EMILIN3: variants seen among roughly 807,000 people sequenced by gnomAD.
EMILIN3 encodes the protein elastin microfibril interfacer 3.
EMILIN3 carries 38 observed loss-of-function variants against 42.8 expected under a neutral mutation model. That is an observed-to-expected ratio of 0.89 (90% CI 0.69 to 1.16). The LOEUF is 1.16. Among genes scored for constraint, EMILIN3 ranks in the 50% most tolerant of loss-of-function variants. EMILIN3 has a pLI of 0.00. For synonymous variants in EMILIN3, 430 were observed against 440.5 expected, an observed-to-expected ratio of 0.98 and a Z score of 0.30; for missense variants, 924 against 999.5, an observed-to-expected ratio of 0.92 and a Z score of 1.02.
chr20:41,360,899 G>A lies in EMILIN3; in HGVS notation c.*369C>T, dbSNP rs1600752841. 2 of 297,878 alleles carry A rather than the reference G, an allele frequency of 6.7e-6. No individual in the cohort carries two copies. The highest frequency in any genetic ancestry group is 1.3e-5 in the Non-Finnish European group (2 of 157,950). The allele number at this position is 297,878 out of a possible 1,614,324, so 18.5% of individuals were successfully genotyped here. ...TGACTGCCTGCAGGGTCCTCTCAAG[G>A]CCTTACATACGGACACTGATCAAGG... On this transcript the variant is annotated 3_prime_UTR_variant, in exon 4 of 4. Coordinates refer to ENST00000332312, the MANE Select transcript of EMILIN3 (RefSeq NM_052846.2).
chr20:41,361,071 G>A lies in EMILIN3; in HGVS notation c.*197C>T, dbSNP rs1026236128. On this transcript the variant is annotated 3_prime_UTR_variant, in exon 4 of 4. Coordinates refer to ENST00000332312, the MANE Select transcript of EMILIN3 (RefSeq NM_052846.2). ...GACATCCTTGCCTTGACCGCTGTCC[G>A]GAACTGTCCAGTTTCTGCAGCACTG... The A allele has an allele frequency of 1.3e-5, 7 of 537,722 alleles. No homozygotes were observed. The highest frequency in any genetic ancestry group is 9.4e-5 in the African/African-American group (5 of 53,046). The allele number at this position is 537,722 out of a possible 1,614,324, so 33.3% of individuals were successfully genotyped here.
chr20:41,364,615 G>C (rs1323311972), intron 2 of EMILIN3, among the ~76,000 whole-genome samples: 1 of 152,200 alleles, frequency 6.6e-6, no homozygotes, highest in Non-Finnish European at 1.5e-5. Flanking sequence ...CCCATGGCCT[G>C]CCTCCTTGTG....
At position 41,362,212 on chromosome 20, in the gene EMILIN3, A is replaced by C; in HGVS notation, c.1357T>G (p.Cys453Gly). 1 of 1,596,254 alleles carries C rather than the reference A, an allele frequency of 6.3e-7. No homozygotes were observed. Among genetic ancestry groups the C allele is most frequent in the Non-Finnish European group, 8.5e-7 (1 of 1,171,618 alleles). ...CACCCCCCCATGTCCAACCTCAGAC[A>C]GCATCCCCTTGCTCCACCCTCTGTC... ...NGTEGGARGC[C>G]LRLDMGGWGV... The change falls in exon 4 of 4, where the codon TGT (cysteine) becomes GGT (glycine). Residue 453 changes from cysteine (C) to glycine (G), a missense_variant. Coordinates refer to ENST00000332312, the MANE Select transcript of EMILIN3 (RefSeq NM_052846.2).
intron 2 of EMILIN3, among the ~76,000 whole-genome samples, chr20:41,364,730 T>G (rs1452018642): frequency 6.6e-6 from 1 of 152,142 alleles, no homozygotes; most frequent in Non-Finnish European, 1.5e-5. Flanking sequence ...CCTCTGTCAC[T>G]TCCTCCTAGC....
In EMILIN3 at chr20:41,362,653, G is replaced by A. The variant is rs138734677; in HGVS notation, c.916C>T (p.Arg306Ter). 4.3e-6 allele frequency: 7 copies of A among 1,609,284 alleles called. No homozygotes were observed. The highest frequency in any genetic ancestry group is 3.3e-5 in the South Asian group (3 of 90,984). ...SLALLEEYVD[R>*]RLHRLWGSLL... ...CTCCCCCAGAGTCGGTGCAGCCGTC[G>A]GTCCACGTACTCCTCCAGCAGGGCC... Residue 306 changes from arginine to a stop codon, truncating the protein, a stop_gained, in exon 4 of 4, where the codon CGA (arginine) becomes TGA (stop). Coordinates refer to ENST00000332312, the MANE Select transcript of EMILIN3 (RefSeq NM_052846.2). LOFTEE classifies it high-confidence loss of function.
chr20:41,366,675 C>G lies in EMILIN3; in HGVS notation c.-41G>C, dbSNP rs1302799152. 2.0e-6 allele frequency: 2 copies of G among 988,204 alleles called. No individual in the cohort carries two copies. Among genetic ancestry groups the G allele is most frequent in the Middle Eastern group, 5.1e-4 (1 of 1,942 alleles). 61.2% of individuals were successfully genotyped at this position (988,204 alleles called of 1,614,324 possible). A position where few individuals can be genotyped will look rare whatever the true frequency, so the allele number is the denominator to read the frequency against. ...TCTGCCCGGCCCCGCGCGGTGCCCCCCGCCGGGTGTCCGCCTGCAGCGCCG... is the reference window on the plus strand; with the variant it reads ...TCTGCCCGGCCCCGCGCGGTGCCCCGCGCCGGGTGTCCGCCTGCAGCGCCG... On this transcript the variant is annotated 5_prime_UTR_variant, in exon 1 of 4. Coordinates refer to ENST00000332312, the MANE Select transcript of EMILIN3 (RefSeq NM_052846.2). This position sits in a 1 kb window ranked among gnomAD's most constrained non-coding sequence, Gnocchi z 4.2.
At position 41,360,097 on chromosome 20, in the gene EMILIN3, T is replaced by G. The variant is rs1293465907; in HGVS notation, c.*1171A>C. ...AAGAGCAGCACAGTGGGGCCCGTGCTGCTGTGGGGGAAACTGAGGCTGGGA... is the reference window on the plus strand; with the variant it reads ...AAGAGCAGCACAGTGGGGCCCGTGCGGCTGTGGGGGAAACTGAGGCTGGGA... On this transcript the variant is annotated 3_prime_UTR_variant, in exon 4 of 4. Coordinates refer to ENST00000332312, the MANE Select transcript of EMILIN3 (RefSeq NM_052846.2). 1.3e-5 allele frequency: 2 copies of G among 152,686 alleles called. No individual in the cohort carries two copies. Among genetic ancestry groups the G allele is most frequent in the Non-Finnish European group, 2.9e-5 (2 of 68,084 alleles). The allele number at this position is 152,686 out of a possible 1,614,324, so 9.5% of individuals were successfully genotyped here.
At position 41,362,224 on chromosome 20, in the gene EMILIN3, C is replaced by T. The variant is rs758820635; in HGVS notation, c.1345G>A (p.Ala449Thr). 6.2e-7 allele frequency: 1 copy of T among 1,613,962 alleles called. No homozygotes were observed. Among genetic ancestry groups the T allele is most frequent in the East Asian group, 2.2e-5 (1 of 44,872 alleles). ...LETLNGTEGG[A>T]RGCCLRLDMG... ...TCCAACCTCAGACAGCATCCCCTTG[C>T]TCCACCCTCTGTCCCATTGAGCGTC... Residue 449 changes from alanine to threonine, a missense_variant, in exon 4 of 4, where the codon GCA becomes ACA. Transcript: ENST00000332312.
intron 2 of EMILIN3, among the ~76,000 whole-genome samples, chr20:41,364,551 G>A (rs1368757801): frequency 6.6e-6 from 1 of 152,158 alleles, no homozygotes; most frequent in African/African-American, 2.4e-5. Flanking sequence ...TCCAGGTACA[G>A]AGCTGTGCAT....
Position 41,362,173 on chromosome 20 carries a change from A to C in EMILIN3, c.1396T>G (p.Phe466Val). 6.2e-7 allele frequency: 1 copy of C among 1,612,656 alleles called. No homozygotes were observed. The highest frequency in any genetic ancestry group is 8.5e-7 in the Non-Finnish European group (1 of 1,179,450). ...ACGCGCTCTTCCAGCATGGTCCCAA[A>C]GCCGCCCACTCCCCACCCCCCCATG... is the stretch of plus-strand genomic sequence containing the variant. ...LDMGGWGVGGFGTMLEERVQS... is the reference protein window; with the variant it reads ...LDMGGWGVGGVGTMLEERVQS... Residue 466 changes from phenylalanine to valine, a missense_variant, in exon 4 of 4, where the codon TTT (phenylalanine) becomes GTT (valine). Physicochemically the swap from Phe to Val is conservative, Grantham distance 50. Transcript: ENST00000332312.
At position 41,360,866 on chromosome 20, in the gene EMILIN3, G is replaced by T; in HGVS notation, c.*402C>A. ...TGTAGGTCTCTGCACAGTTGCTGAG[G>T]CTGGTGCTGACTGCCTGCAGGGTCC... On this transcript the variant is annotated 3_prime_UTR_variant, in exon 4 of 4. Transcript: ENST00000332312. 4.3e-6 allele frequency: 1 copy of T among 235,088 alleles called. No individual in the cohort carries two copies. The highest frequency in any genetic ancestry group is 8.3e-6 in the Non-Finnish European group (1 of 119,856). The allele number at this position is 235,088 out of a possible 1,614,324, so 14.6% of individuals were successfully genotyped here. A position where few individuals can be genotyped will look rare whatever the true frequency, so the allele number is the denominator to read the frequency against.
rs766993312 is a variant in EMILIN3, at chr20:41,362,594, G to A, written c.975C>T (p.Gly325=). 3.7e-5 allele frequency: 59 copies of A among 1,601,452 alleles called. No individual in the cohort carries two copies. The Middle Eastern group carries it at 6.6e-4, about 18-fold the overall frequency. ...LLDGFEQKLQ[G]VQSECDLRVQ... ...CCCGCAGGTCACACTCACTCTGGAC[G>A]CCTTGCAGCTTCTGCTCAAAGCCAT... Residue 325 remains glycine (G), a synonymous_variant, in exon 4 of 4, where the codon GGC becomes GGT. Coordinates refer to ENST00000332312, the MANE Select transcript of EMILIN3 (RefSeq NM_052846.2).
chr20:41,361,155 G>A lies in EMILIN3; in HGVS notation c.*113C>T, dbSNP rs756555880. On this transcript the variant is annotated 3_prime_UTR_variant, in exon 4 of 4. Coordinates refer to ENST00000332312, the MANE Select transcript of EMILIN3 (RefSeq NM_052846.2). ...GAGGATTCCCTCAGTGGCCTCCTTAGTGCCATTTGGGCTAGCCAGGGAAGG... is the reference window on the plus strand; with the variant it reads ...GAGGATTCCCTCAGTGGCCTCCTTAATGCCATTTGGGCTAGCCAGGGAAGG... The A allele has an allele frequency of 8.3e-6, 9 of 1,079,762 alleles. No individual in the cohort carries two copies. The highest frequency in any genetic ancestry group is 1.2e-5 in the Non-Finnish European group (9 of 771,328). The allele number at this position is 1,079,762 out of a possible 1,614,324, so 66.9% of individuals were successfully genotyped here.
chr20:41,366,456 G>A lies in EMILIN3; in HGVS notation c.167+12C>T. 8.9e-7 allele frequency: 1 copy of A among 1,121,342 alleles called. No homozygotes were observed. The highest frequency in any genetic ancestry group is 1.1e-6 in the Non-Finnish European group (1 of 917,736). 69.5% of individuals were successfully genotyped at this position (1,121,342 alleles called of 1,614,324 possible). Reference sequence around the variant, plus strand: ...CCCTCCCTCTTCCCGCCCGCCGCCCGCCCGCGCTTACTTGTGCGGCCCCGG... The same window carrying A: ...CCCTCCCTCTTCCCGCCCGCCGCCCACCCGCGCTTACTTGTGCGGCCCCGG... On this transcript the variant is annotated intron_variant, in intron 1 of 3. Transcript: ENST00000332312. This position sits in a 1 kb window ranked among gnomAD's most constrained non-coding sequence, Gnocchi z 4.2.
At position 41,360,817 on chromosome 20, in the gene EMILIN3, C is replaced by T. The variant is rs959163487; in HGVS notation, c.*451G>A. 1.1e-5 allele frequency: 2 copies of T among 180,814 alleles called. No individual in the cohort carries two copies. Among genetic ancestry groups the T allele is most frequent in the Non-Finnish European group, 2.3e-5 (2 of 86,708 alleles). The allele number at this position is 180,814 out of a possible 1,614,324, so 11.2% of individuals were successfully genotyped here. A position where few individuals can be genotyped will look rare whatever the true frequency, so the allele number is the denominator to read the frequency against. On this transcript the variant is annotated 3_prime_UTR_variant, in exon 4 of 4. Coordinates refer to ENST00000332312, the MANE Select transcript of EMILIN3 (RefSeq NM_052846.2). Reference sequence around the variant, plus strand: ...TGTTGCTTGTGGGCACAGGGCAATGCGGACAGGCCACTGGCTGTGGGCCTG... The same window carrying T: ...TGTTGCTTGTGGGCACAGGGCAATGTGGACAGGCCACTGGCTGTGGGCCTG...
Position 41,366,722 on chromosome 20 carries a change from GC to G in EMILIN3, c.-89del, listed in dbSNP as rs2046396664. 2.2e-6 allele frequency: 2 copies of G among 899,616 alleles called. No homozygotes were observed. Among genetic ancestry groups the G allele is most frequent in the African/African-American group, 3.6e-5 (2 of 55,106 alleles). The allele number at this position is 899,616 out of a possible 1,614,324, so 55.7% of individuals were successfully genotyped here. ...GCCGCGCCGCCCCCGCCGCTGGTCG[GC>G]CCGGGTCCCGCCCCGAGGGTCCCGG... is the stretch of plus-strand genomic sequence containing the variant. On this transcript the variant is annotated 5_prime_UTR_variant, in exon 1 of 4. Transcript: ENST00000332312. This position sits in a 1 kb window ranked among gnomAD's most constrained non-coding sequence, Gnocchi z 4.2.
Position 41,362,113 on chromosome 20 carries a change from C to G in EMILIN3, c.1456G>C (p.Gly486Arg). The part of the protein sequence containing the change: ...SLEERLATLA[G>R]ELSHDSASPG... ...GAGGCGCTGTCATGGCTTAGCTCCCCAGCCAATGTTGCTAGGCGCTCCTCG... is the reference window on the plus strand; with the variant it reads ...GAGGCGCTGTCATGGCTTAGCTCCCGAGCCAATGTTGCTAGGCGCTCCTCG... The change falls in exon 4 of 4, where the codon GGG becomes CGG. Residue 486 changes from glycine to arginine, a missense_variant. By Grantham distance (125) the Gly-to-Arg change is moderately radical (BLOSUM62 -2). Coordinates refer to ENST00000332312, the MANE Select transcript of EMILIN3 (RefSeq NM_052846.2). The G allele has an allele frequency of 6.2e-7, 1 of 1,606,106 alleles. No homozygotes were observed. The highest frequency in any genetic ancestry group is 8.5e-7 in the Non-Finnish European group (1 of 1,173,970).
rs1365658310 is a variant in EMILIN3 at position 41,364,827 on chromosome 20, T to C, written c.290+208A>G. On this transcript the variant is annotated intron_variant, in intron 2 of 3. Transcript: ENST00000332312. ...CCAAGCCTGCCCCTGTCTGTGCGGG[T>C]GATGCTCTGCTGCAAGCCCAAATCC... is the stretch of plus-strand genomic sequence containing the variant. Among the ~76,000 whole-genome samples the C allele has an allele frequency of 2.6e-5, 4 of 152,272 alleles. No homozygotes were observed. The East Asian group carries it at 7.7e-4, about 29-fold the overall frequency.
chr20:41,361,708 C>T lies in EMILIN3; in HGVS notation c.1861G>A (p.Glu621Lys), dbSNP rs758137757. ...TCGGCTTCCACCTTGCGTTCCCGCT[C>T]ATCCAGGGACGTGTTGGCAGCCAAG... is the stretch of plus-strand genomic sequence containing the variant. ...AFLAANTSLD[E>K]RERKVEAEVQ... The change falls in exon 4 of 4, where the codon GAG becomes AAG. Residue 621 changes from glutamate (E) to lysine (K), a missense_variant. Transcript: ENST00000332312. The T allele has an allele frequency of 2.7e-5, 43 of 1,611,590 alleles. No homozygotes were observed. The highest frequency in any genetic ancestry group is 5.5e-5 in the South Asian group (5 of 91,002).
Sources: gnomAD v4.1 joint callset for allele counts (sites outside exome capture counted in the v4.1 genomes callset) on GRCh38, gnomAD v4.1.1 for gene constraint, Gnocchi (gnomAD v3.1) non-coding constraint, MANE v1.5 for transcripts, NCBI Gene and HGNC (gene_info 2026-07-23, HGNC 2026-07-21) for gene names.